The following SLC17A7 variants were observed in gnomAD, a reference collection of about 807,000 sequenced individuals.
SLC17A7 encodes solute carrier family 17 member 7.
Under a neutral mutation model 59.1 loss-of-function variants are expected in SLC17A7, and 15 were observed. The observed-to-expected ratio is 0.25, with a 90% CI of 0.17 to 0.39. The LOEUF (loss-of-function observed/expected upper bound fraction) is 0.39, where lower values mean the gene tolerates loss of function less well. Ranked by LOEUF, SLC17A7 falls within the 10% of genes least tolerant of loss-of-function variation. The pLI, the probability that SLC17A7 is intolerant of heterozygous loss-of-function variation, is 1.00. For synonymous variants in SLC17A7, 353 were observed against 308.9 expected (o/e 1.14, Z -1.50); for missense variants, 499 against 765.1 (o/e 0.65, Z 4.10).
At chr19:49,438,064 C>G (rs1202531826) in intron 1 of SLC17A7, 1 of 147,902 alleles carries the variant, frequency 6.8e-6, no homozygotes, top group Non-Finnish European at 1.5e-5. Context: ...GAACAGAGAC[C>G]CAGATAGAGA....
Position 49,433,220 on chromosome 19 carries a change from A to G in SLC17A7, c.868-260T>C, listed in dbSNP as rs2078967622. 1.9e-6 allele frequency: 1 copy of G among 528,664 alleles called. No individual in the cohort carries two copies. Among genetic ancestry groups the G allele is most frequent in the Admixed American group, 3.7e-5 (1 of 26,950 alleles). The allele number at this position is 528,664 out of a possible 1,614,324, so 32.7% of individuals were successfully genotyped here. A position where few individuals can be genotyped will look rare whatever the true frequency, so the allele number is the denominator to read the frequency against. On this transcript the variant is annotated intron_variant, in intron 7 of 11. Coordinates refer to ENST00000221485, the MANE Select transcript of SLC17A7 (RefSeq NM_020309.4). The surrounding 1 kb of genome is among the most constrained non-coding windows in gnomAD (Gnocchi z 5.7). ...CCGCAGGTGTCCGGGCCCCTCAGGGACCTGTCTTTTTCTTTTTTTCTTTTT... is the reference window on the plus strand; with the variant it reads ...CCGCAGGTGTCCGGGCCCCTCAGGGGCCTGTCTTTTTCTTTTTTTCTTTTT...
Position 49,433,572 on chromosome 19 carries a change from G to C in SLC17A7, c.867+154C>G. 4.8e-6 allele frequency: 5 copies of C among 1,050,424 alleles called. No individual in the cohort carries two copies. The highest frequency in any genetic ancestry group is 7.2e-6 in the Non-Finnish European group (5 of 697,194). 65.1% of individuals were successfully genotyped at this position (1,050,424 alleles called of 1,614,324 possible). A position where few individuals can be genotyped will look rare whatever the true frequency, so the allele number is the denominator to read the frequency against. ...AGCACCTGAGAATCTCGTCCTCCGC[G>C]GGTTGCAACCCGCCTCCTAGGTTCT... On this transcript the variant is annotated intron_variant, in intron 7 of 11. Transcript: ENST00000221485. The surrounding 1 kb of genome is among the most constrained non-coding windows in gnomAD (Gnocchi z 5.7).
rs565356058 is a variant in SLC17A7, at chr19:49,436,482, T to C, written c.315+67A>G. On this transcript the variant is annotated intron_variant, in intron 2 of 11. Coordinates refer to ENST00000221485, the MANE Select transcript of SLC17A7 (RefSeq NM_020309.4). The surrounding 1 kb of genome is among the most constrained non-coding windows in gnomAD (Gnocchi z 4.1). ...GGACGTCTGGTGGGTGAGTGTGACG[T>C]CATGGGGGCGTAGGCGGAGCTCGGT... 4.4e-5 allele frequency: 70 copies of C among 1,574,320 alleles called. No individual in the cohort carries two copies. The East Asian group carries it at 8.3e-4, about 19-fold the overall frequency.
chr19:49,432,808 T>C lies in SLC17A7; in HGVS notation c.1017+3A>G. On this transcript the variant is annotated splice_donor_region_variant and intron_variant, in intron 8 of 11. Coordinates refer to ENST00000221485, the MANE Select transcript of SLC17A7 (RefSeq NM_020309.4). Reference sequence around the variant, plus strand: ...CCCCCTGCCCTCTCCTCCTGGGCTCTACCTTGCTGATCTCGAAGCCGAACA... The same window carrying C: ...CCCCCTGCCCTCTCCTCCTGGGCTCCACCTTGCTGATCTCGAAGCCGAACA... The C allele has an allele frequency of 6.3e-7, 1 of 1,588,554 alleles. No homozygotes were observed. Among genetic ancestry groups the C allele is most frequent in the Middle Eastern group, 1.7e-4 (1 of 6,018 alleles).
At chr19:49,440,756 C>T (rs1444701400) in intron 1 of SLC17A7, among the ~76,000 whole-genome samples, 1 of 151,886 alleles carries the variant, frequency 6.6e-6, no homozygotes, top group East Asian at 1.9e-4. Flanking sequence ...AACACAGAGA[C>T]GGGGACAGGG....
In SLC17A7 at chr19:49,436,806, G is replaced by C. The variant is rs1326269497; in HGVS notation, c.63-5C>G. 2 of 1,599,404 alleles carry C rather than the reference G, an allele frequency of 1.3e-6. No individual in the cohort carries two copies. Among genetic ancestry groups the C allele is most frequent in the South Asian group, 2.2e-5 (2 of 91,000 alleles). ...TCCTGCCGCTTCTCCAGAAGGCTGC[G>C]GGACAGCAAGAGCCAGAGACTCGGA... On this transcript the variant is annotated splice_polypyrimidine_tract_variant and splice_region_variant and intron_variant, in intron 1 of 11. Transcript: ENST00000221485. The surrounding 1 kb of genome is among the most constrained non-coding windows in gnomAD (Gnocchi z 4.1).
In SLC17A7 at chr19:49,432,942, G is replaced by A. The variant is rs770602579; in HGVS notation, c.886C>T (p.Arg296Trp). 1.9e-6 allele frequency: 3 copies of A among 1,607,442 alleles called. No homozygotes were observed. Among genetic ancestry groups the A allele is most frequent in the East Asian group, 2.2e-5 (1 of 44,650 alleles). The change falls in exon 8 of 12, where the codon CGG becomes TGG. Residue 296 changes from arginine to tryptophan, a missense_variant. Around this residue, in one of 3 missense-constraint regions of SLC17A7, gnomAD observed 323 missense variants for 607.2 expected, o/e 0.53. Coordinates refer to ENST00000221485, the MANE Select transcript of SLC17A7 (RefSeq NM_020309.4). ...NPLTKFSTPWRRFFTSMPVYA... is the reference protein window; with the variant it reads ...NPLTKFSTPWWRFFTSMPVYA... Reference sequence around the variant, plus strand: ...ACTGGCATAGACGTGAAGAAGCGCCGCCAGGGAGTGCTAAACTTCTGTGGG... The same window carrying A: ...ACTGGCATAGACGTGAAGAAGCGCCACCAGGGAGTGCTAAACTTCTGTGGG...
intron 1 of SLC17A7, chr19:49,437,176 T>G: frequency 3.2e-6 from 1 of 310,316 alleles, no homozygotes; most frequent in Non-Finnish European, 6.1e-6. Flanking sequence ...GATAAGAGTC[T>G]ATTCGAGGAA....
At chr19:49,440,941 C>G (rs1412321447) in intron 1 of SLC17A7, among the ~76,000 whole-genome samples, 1 of 150,692 alleles carries the variant, frequency 6.6e-6, no homozygotes, top group Non-Finnish European at 1.5e-5. Flanking sequence ...GAAGGAGGGG[C>G]CCAGAGAGAA....
chr19:49,429,763 C>A lies in SLC17A7; in HGVS notation c.*756G>T. ...GGTGGTAGCTTCAAACCTTTGAGTTCATGGACTGGAGCAGCCACTATTTAG... is the reference window on the plus strand; with the variant it reads ...GGTGGTAGCTTCAAACCTTTGAGTTAATGGACTGGAGCAGCCACTATTTAG... On this transcript the variant is annotated 3_prime_UTR_variant, in exon 12 of 12. Coordinates refer to ENST00000221485, the MANE Select transcript of SLC17A7 (RefSeq NM_020309.4). 2.5e-6 allele frequency: 1 copy of A among 394,500 alleles called. No individual in the cohort carries two copies. The highest frequency in any genetic ancestry group is 4.5e-6 in the Non-Finnish European group (1 of 223,724). 24.4% of individuals were successfully genotyped at this position (394,500 alleles called of 1,614,324 possible). A position where few individuals can be genotyped will look rare whatever the true frequency, so the allele number is the denominator to read the frequency against.
chr19:49,436,436 G>A lies in SLC17A7; in HGVS notation c.315+113C>T. ...GATTGGGCGGAGCTATTCCGACAGCGTTTCGGAAGGGGCGTGGCCTGGACG... is the reference window on the plus strand; with the variant it reads ...GATTGGGCGGAGCTATTCCGACAGCATTTCGGAAGGGGCGTGGCCTGGACG... On this transcript the variant is annotated intron_variant, in intron 2 of 11. Transcript: ENST00000221485. This position sits in a 1 kb window ranked among gnomAD's most constrained non-coding sequence, Gnocchi z 4.1. 1 of 1,404,102 alleles carries A rather than the reference G, an allele frequency of 7.1e-7. No homozygotes were observed. Among genetic ancestry groups the A allele is most frequent in the Non-Finnish European group, 9.7e-7 (1 of 1,033,276 alleles). 87.0% of individuals were successfully genotyped at this position (1,404,102 alleles called of 1,614,324 possible).
In SLC17A7 at chr19:49,429,604, A is replaced by C. The variant is rs2078950171; in HGVS notation, c.*915T>G. 1 of 398,892 alleles carries C rather than the reference A, an allele frequency of 2.5e-6. No homozygotes were observed. The allele number at this position is 398,892 out of a possible 1,614,324, so 24.7% of individuals were successfully genotyped here. ...GTGTCTGAGAGGGGAAGGATCCCAG[A>C]TTTTGAGTCATTAAGCCCCTGAGGG... On this transcript the variant is annotated 3_prime_UTR_variant, in exon 12 of 12. Transcript: ENST00000221485.
intron 8 of SLC17A7, 43 bp from the exon 9 acceptor site, chr19:49,432,694 C>T (rs745908258): frequency 6.2e-7 from 1 of 1,605,256 alleles, no homozygotes; most frequent in Non-Finnish European, 8.5e-7. Flanking sequence ...TCGGGGCCGC[C>T]GGCTCGGCGT....
rs750262669 is a variant in SLC17A7 at position 49,434,681 on chromosome 19, T to A, written c.558A>T (p.Thr186=). The A allele has an allele frequency of 1.2e-6, 2 of 1,614,132 alleles. No individual in the cohort carries two copies. Among genetic ancestry groups the A allele is most frequent in the South Asian group, 2.2e-5 (2 of 91,080 alleles). ...TCCAGATCCCATGGCAGGCGGGGTA[T>A]GTGACCCCCTAAAGAGGAGAAAACC... is the stretch of plus-strand genomic sequence containing the variant. ...RILQGLVEGV[T]YPACHGIWSK... Residue 186 remains threonine (T), a synonymous_variant, in exon 5 of 12, where the codon ACA becomes ACT. Transcript: ENST00000221485.
At chr19:49,435,457 A>G in intron 2 of SLC17A7, 171 bp from the exon 3 acceptor site, 1 of 592,982 alleles carries the variant, frequency 1.7e-6, no homozygotes. Flanking sequence ...AAAGTCTACA[A>G]ACTCCGCTCT....
rs1376279439 is a variant in SLC17A7 at position 49,430,554 on chromosome 19, G to A, written c.1648C>T (p.Pro550Ser). Residue 550 changes from proline to serine, a missense_variant, in exon 12 of 12, where the codon CCC becomes TCC. This residue lies in a region of SLC17A7 where 98 missense variants were observed against 77.5 expected (regional missense o/e 1.27). Transcript: ENST00000221485. The stretch of plus-strand genomic sequence containing the variant: ...CGGACAGGGGGTGGGGGCCTGGGGG[G>A]CTGAAATGTGCTGTGTGTGGCCCCA... The part of the protein sequence containing the change: ...SYGATHSTFQ[P>S]PRPPPPVRDY 22 of 1,599,432 alleles carry A rather than the reference G, an allele frequency of 1.4e-5. No homozygotes were observed. The Admixed American group carries it at 2.4e-4, about 17-fold the overall frequency.
rs532838654 is a variant in SLC17A7 at position 49,430,408 on chromosome 19, C to T, written c.*111G>A. ...GCACTGGGAACAAGGGAGAGTGCTT[C>T]TTAGGCCTGAGGCAGGACAGAGAGG... On this transcript the variant is annotated 3_prime_UTR_variant, in exon 12 of 12. Coordinates refer to ENST00000221485, the MANE Select transcript of SLC17A7 (RefSeq NM_020309.4). The T allele has an allele frequency of 2.6e-6, 2 of 767,352 alleles. No homozygotes were observed. The highest frequency in any genetic ancestry group is 3.5e-5 in the African/African-American group (2 of 56,862). 47.5% of individuals were successfully genotyped at this position (767,352 alleles called of 1,614,324 possible). A position where few individuals can be genotyped will look rare whatever the true frequency, so the allele number is the denominator to read the frequency against.
At position 49,433,013 on chromosome 19, in the gene SLC17A7, T is replaced by C; in HGVS notation, c.868-53A>G. 5.2e-6 allele frequency: 8 copies of C among 1,545,690 alleles called. No homozygotes were observed. Among genetic ancestry groups the C allele is most frequent in the Non-Finnish European group, 7.0e-6 (8 of 1,135,542 alleles). The stretch of plus-strand genomic sequence containing the variant: ...GACGGGGAGCGGGGCTGAGGGCTTC[T>C]CCGCGTCCCTTCAGGGACCACAGTG... On this transcript the variant is annotated intron_variant, in intron 7 of 11. Coordinates refer to ENST00000221485, the MANE Select transcript of SLC17A7 (RefSeq NM_020309.4). This position sits in a 1 kb window ranked among gnomAD's most constrained non-coding sequence, Gnocchi z 5.7.
chr19:49,438,230 GCAGA>G (rs1393822481), intron 1 of SLC17A7: 5 of 152,642 alleles, frequency 3.3e-5, no homozygotes, highest in African/African-American at 9.7e-5. Context: ...AGAGAAGGAA[GCAGA>G]CAGAGTCCCA....
Sources: gnomAD v4.1 joint callset for allele counts (sites outside exome capture counted in the v4.1 genomes callset) on GRCh38, gnomAD v4.1.1 for gene constraint, gnomAD v4.1.1 regional missense constraint, Gnocchi (gnomAD v3.1) non-coding constraint, MANE v1.5 for transcripts, NCBI Gene and HGNC (gene_info 2026-07-23, HGNC 2026-07-21) for gene names.